TANC1: variants seen among roughly 807,000 people sequenced by gnomAD.
The protein encoded by TANC1 is protein TANC1.
TANC1 carries 77 observed loss-of-function variants against 149.7 expected under a neutral mutation model. The ratio of observed to expected loss-of-function variants is 0.51; its 90% confidence interval spans 0.43 to 0.62. The LOEUF is 0.62. Among genes scored for constraint, TANC1 ranks in the 20% least tolerant of loss-of-function variants. TANC1 has a pLI of 0.00. For synonymous variants in TANC1, 854 were observed against 925.0 expected (o/e 0.92, Z 1.39); for missense variants, 1,985 against 2,321.8 (o/e 0.85, Z 2.98).
At chr2:159,216,767 T>C (rs1290222045) in intron 19 of TANC1, among the ~76,000 whole-genome samples, 1 of 152,096 alleles carries the variant, frequency 6.6e-6, no homozygotes, top group African/African-American at 2.4e-5. Flanking sequence ...CCCTCTACAG[T>C]TGGATCTTCT....
chr2:159,004,395 A>G (rs2036932259), intron 2 of TANC1: 2 of 1,120,558 alleles, frequency 1.8e-6, no homozygotes, highest in African/African-American at 1.5e-5. Context: ...TTTTACAGAC[A>G]CAGAGAACAT....
chr2:159,229,441 G>A (rs2060216943), intron 26 of TANC1, 137 bp from the exon 27 acceptor site: 5 of 729,910 alleles, frequency 6.9e-6, no homozygotes, highest in Non-Finnish European at 1.1e-5. Context: ...GGTTAAGTGG[G>A]TCCTGGCCAC....
At chr2:159,175,540 G>T (rs1235657014) in intron 12 of TANC1, among the ~76,000 whole-genome samples, 1 of 152,190 alleles carries the variant, frequency 6.6e-6, no homozygotes, top group East Asian at 1.9e-4. Context: ...TGGATTATTT[G>T]GAGGAATTTT....
At chr2:159,078,187 C>T (rs2043888483) in intron 3 of TANC1, among the ~76,000 whole-genome samples, 1 of 152,164 alleles carries the variant, frequency 6.6e-6, no homozygotes. Flanking sequence ...AAATGAATTA[C>T]TATTTATAAA....
At chr2:159,209,945 T>C (rs1407913910) in intron 19 of TANC1, among the ~76,000 whole-genome samples, 1 of 152,190 alleles carries the variant, frequency 6.6e-6, no homozygotes, top group Non-Finnish European at 1.5e-5. Flanking sequence ...CCACTCATTT[T>C]TTAAAATATG....
At chr2:159,211,919 G>A (rs2059009277) in intron 19 of TANC1, among the ~76,000 whole-genome samples, 2 of 152,214 alleles carry the variant, frequency 1.3e-5, no homozygotes, top group South Asian at 4.1e-4. Context: ...GGAAAAGGAG[G>A]ACAGGGTCCA....
intron 5 of TANC1, 178 bp from the exon 6 acceptor site, chr2:159,148,964 G>C: frequency 1.5e-6 from 1 of 649,924 alleles, no homozygotes; most frequent in South Asian, 2.8e-5. Context: ...TCCTTAACCT[G>C]TCACAGTCCC....
chr2:159,078,101 T>G (rs1017587239), intron 3 of TANC1, among the ~76,000 whole-genome samples: 2 of 152,226 alleles, frequency 1.3e-5, no homozygotes, highest in African/African-American at 4.8e-5. Flanking sequence ...GTATCCTGGC[T>G]CCACAGTTTA....
At chr2:159,068,115 AG>A (rs2042824003) in intron 3 of TANC1, among the ~76,000 whole-genome samples, 1 of 152,246 alleles carries the variant, frequency 6.6e-6, no homozygotes, top group Admixed American at 6.5e-5. Context: ...TGGTTGTATT[AG>A]GCTAGCAACA....
At position 158,983,951 on chromosome 2, in the gene TANC1, A is replaced by G. The variant is rs547310235; in HGVS notation, c.-126+15169A>G. Among the ~76,000 whole-genome samples the G allele has an allele frequency of 2.0e-5, 3 of 152,318 alleles. No individual in the cohort carries two copies. The East Asian group carries it at 5.8e-4, about 29-fold the overall frequency. On this transcript the variant is annotated intron_variant, in intron 1 of 26. Coordinates refer to ENST00000263635, the MANE Select transcript of TANC1 (RefSeq NM_033394.3). ...TATGGTCCTTGCATTCTTGCCATTTATGGGTAAACCAAAAAGTGTTGTCTT... is the reference window on the plus strand; with the variant it reads ...TATGGTCCTTGCATTCTTGCCATTTGTGGGTAAACCAAAAAGTGTTGTCTT...
intron 14 of TANC1, among the ~76,000 whole-genome samples, chr2:159,184,125 G>A (rs2056757778): frequency 1.3e-5 from 2 of 152,202 alleles, no homozygotes; most frequent in Non-Finnish European, 2.9e-5. Context: ...ACCTGTTCAG[G>A]CCTCTGTTTC....
chr2:159,172,139 A>T lies in TANC1; in HGVS notation c.1370A>T (p.Asp457Val). 1 of 1,614,174 alleles carries T rather than the reference A, an allele frequency of 6.2e-7. No individual in the cohort carries two copies. The highest frequency in any genetic ancestry group is 8.5e-7 in the Non-Finnish European group (1 of 1,180,022). Residue 457 changes from aspartate (D) to valine (V), a missense_variant, in exon 11 of 27, where the codon GAT becomes GTT. This residue lies in a region of TANC1 where 557 missense variants were observed against 612.9 expected (regional missense o/e 0.91). Transcript: ENST00000263635. ...TCTGCAGCCTCTGACCCCACTCAGG[A>T]TCTTCATTTCACTCCGTTGCTTTCA... ...SSPKTSDPTQ[D>V]LHFTPLLSPS... is the part of the protein sequence containing the mutation.
At chr2:158,991,443 A>G in intron 1 of TANC1, among the ~76,000 whole-genome samples, 1 of 152,264 alleles carries the variant, frequency 6.6e-6, no homozygotes, top group Non-Finnish European at 1.5e-5. Context: ...ATATATATGC[A>G]TAGAGTATCT....
chr2:159,073,289 T>C (rs1394503333), intron 3 of TANC1, among the ~76,000 whole-genome samples: 6 of 152,154 alleles, frequency 3.9e-5, no homozygotes, highest in Admixed American at 1.3e-4. Context: ...GGAACAGATA[T>C]CTACCGTTTA....
At chr2:158,969,408 T>C (rs1224117184) in intron 1 of TANC1, among the ~76,000 whole-genome samples, 1 of 152,210 alleles carries the variant, frequency 6.6e-6, no homozygotes, top group Non-Finnish European at 1.5e-5. Flanking sequence ...CACTCCTTTA[T>C]TGGGGGTGGG....
At chr2:159,063,327 C>T (rs2042402282) in intron 2 of TANC1, among the ~76,000 whole-genome samples, 1 of 152,160 alleles carries the variant, frequency 6.6e-6, no homozygotes, top group South Asian at 2.1e-4. Flanking sequence ...TCATTATTGG[C>T]CCCTAGGGTC....
intron 17 of TANC1, among the ~76,000 whole-genome samples, chr2:159,195,683 C>T (rs1433011629): frequency 6.6e-6 from 1 of 151,670 alleles, no homozygotes; most frequent in African/African-American, 2.4e-5. Flanking sequence ...AAATGTGTGG[C>T]TAAGCCTTTG....
chr2:159,212,294 A>G (rs550968267), intron 19 of TANC1, among the ~76,000 whole-genome samples: 1 of 152,284 alleles, frequency 6.6e-6, no homozygotes, highest in Admixed American at 6.5e-5. Flanking sequence ...CTTCTGGTCA[A>G]CCAGGGAGAG....
intron 1 of TANC1, among the ~76,000 whole-genome samples, chr2:158,971,505 T>C (rs950085077): frequency 6.6e-6 from 1 of 152,120 alleles, no homozygotes; most frequent in Non-Finnish European, 1.5e-5. Context: ...TGTTTTAGTG[T>C]TTAAAATAGT....
Sources: allele counts gnomAD v4.1 joint callset (sites outside exome capture counted in the v4.1 genomes callset), GRCh38; gene constraint gnomAD v4.1.1; regional missense constraint gnomAD v4.1.1; transcripts MANE v1.5; gene names NCBI Gene and HGNC (gene_info 2026-07-23, HGNC 2026-07-21).